Variants in ZNF521 observed in about 807,000 individuals in gnomAD.
The protein encoded by ZNF521 is LYST-interacting protein 3.
Under a neutral mutation model 105.5 loss-of-function variants are expected in ZNF521, and 14 were observed. The ratio of observed to expected loss-of-function variants is 0.13; its 90% confidence interval spans 0.09 to 0.21. ZNF521 has a LOEUF of 0.21. Ranked by LOEUF, ZNF521 falls within the 10% of genes least tolerant of loss-of-function variation. ZNF521 has a pLI of 1.00. For synonymous variants in ZNF521, 635 were observed against 606.0 expected (o/e 1.05, Z -0.70); for missense variants, 1,233 against 1,629.7 (o/e 0.76, Z 4.19).
chr18:25,089,337 C>G, intron 7 of ZNF521, 128 bp downstream of exon 7: 1 of 699,938 alleles, frequency 1.4e-6, no homozygotes, highest in Non-Finnish European at 2.4e-6. Context: ...TTCCCTTTGC[C>G]CCCAATACAC....
chr18:25,156,641 G>C (rs1280079089), intron 5 of ZNF521, among the ~76,000 whole-genome samples: 1 of 152,052 alleles, frequency 6.6e-6, no homozygotes, highest in Non-Finnish European at 1.5e-5. Flanking sequence ...GTTGTAATTT[G>C]CAAAGGCTAC....
At chr18:25,269,371 G>A (rs1416636521) in intron 3 of ZNF521, among the ~76,000 whole-genome samples, 5 of 152,136 alleles carry the variant, frequency 3.3e-5, no homozygotes, top group Admixed American at 3.3e-4. Context: ...GTCAATATTA[G>A]ACAGATCAAC....
chr18:25,296,410 T>C (rs559808290), intron 3 of ZNF521, among the ~76,000 whole-genome samples: 3 of 152,322 alleles, frequency 2.0e-5, no homozygotes, highest in East Asian at 1.9e-4. Context: ...GTAGTATATA[T>C]ACTATGTGCC....
chr18:25,285,155 T>C (rs2016420919), intron 3 of ZNF521, among the ~76,000 whole-genome samples: 1 of 152,196 alleles, frequency 6.6e-6, no homozygotes. Context: ...ATTCTCTTCT[T>C]CCTGGTGTGG....
intron 3 of ZNF521, among the ~76,000 whole-genome samples, chr18:25,254,518 G>A (rs1311852683): frequency 1.3e-5 from 2 of 152,058 alleles, no homozygotes; most frequent in Non-Finnish European, 2.9e-5. Flanking sequence ...TGCAGATGCT[G>A]GTTGATTTGT....
rs189941103 is a variant in ZNF521, at chr18:25,107,221, C to T, written c.3659-15140G>A. 2.4e-4 allele frequency among the ~76,000 whole-genome samples: 36 copies of T among 152,312 alleles called. No homozygotes were observed. The East Asian group carries it at 5.4e-3, about 23-fold the overall frequency. On this transcript the variant is annotated intron_variant, in intron 5 of 7. Coordinates refer to ENST00000361524, the MANE Select transcript of ZNF521 (RefSeq NM_015461.3). ...TAGAAGTGAGACTCAATCAAAATAACATATATAAAGTATCTAGCATAATAC... is the reference window on the plus strand; with the variant it reads ...TAGAAGTGAGACTCAATCAAAATAATATATATAAAGTATCTAGCATAATAC...
chr18:25,065,708 T>C (rs921388490), intron 7 of ZNF521, among the ~76,000 whole-genome samples: 13 of 152,140 alleles, frequency 8.5e-5, no homozygotes, highest in African/African-American at 2.4e-4. Context: ...CCACATGTGA[T>C]TGGATTCTAG....
chr18:25,300,694 C>G (rs1462681691), intron 3 of ZNF521, among the ~76,000 whole-genome samples: 1 of 152,016 alleles, frequency 6.6e-6, no homozygotes, highest in South Asian at 2.1e-4. Flanking sequence ...ATTACTTTTG[C>G]ACCAACCTAA....
chr18:25,087,417 G>C (rs148070376), intron 7 of ZNF521, among the ~76,000 whole-genome samples: 55 of 152,338 alleles, frequency 3.6e-4, no homozygotes, highest in African/African-American at 1.3e-3. Flanking sequence ...GAAAGACATT[G>C]ATGGTACCAC....
At chr18:25,284,500 G>A (rs1027773281) in intron 3 of ZNF521, among the ~76,000 whole-genome samples, 1 of 152,126 alleles carries the variant, frequency 6.6e-6, no homozygotes, top group Non-Finnish European at 1.5e-5. Flanking sequence ...TCAGAAAGCA[G>A]CCAAAAAATA....
At chr18:25,308,193 CAAAAAAA>C (rs756580169) in intron 3 of ZNF521, among the ~76,000 whole-genome samples, 4 of 31,100 alleles carry the variant, frequency 1.3e-4, no homozygotes, top group Non-Finnish European at 2.1e-4. Flanking sequence ...GACTGCATCT[CAAAAAAA>C]AAAAAAAAAA....
At chr18:25,220,682 G>A (rs1276939213) in intron 4 of ZNF521, among the ~76,000 whole-genome samples, 1 of 152,144 alleles carries the variant, frequency 6.6e-6, no homozygotes, top group Non-Finnish European at 1.5e-5. Context: ...GGTAATGCTG[G>A]CAAGAGCAAT....
chr18:25,336,152 A>T (rs1204611950), intron 2 of ZNF521, among the ~76,000 whole-genome samples: 1 of 152,224 alleles, frequency 6.6e-6, no homozygotes, highest in Non-Finnish European at 1.5e-5. Flanking sequence ...TCAGCAGACC[A>T]TTCCTGTATT....
chr18:25,208,577 C>G (rs777084856), intron 4 of ZNF521, among the ~76,000 whole-genome samples: 1 of 150,728 alleles, frequency 6.6e-6, no homozygotes, highest in Admixed American at 6.6e-5. Context: ...TCTTTTTTTC[C>G]TTTTTTCTGT....
In ZNF521 at chr18:25,150,802, T is replaced by C. The variant is rs376034445; in HGVS notation, c.3658+44358A>G. Reference sequence around the variant, plus strand: ...TTTAGTTCTGATCCACCTCTAAATCTCTTGGGCTAGTTATATTTCCCCCCA... The same window carrying C: ...TTTAGTTCTGATCCACCTCTAAATCCCTTGGGCTAGTTATATTTCCCCCCA... On this transcript the variant is annotated intron_variant, in intron 5 of 7. Coordinates refer to ENST00000361524, the MANE Select transcript of ZNF521 (RefSeq NM_015461.3). Among the ~76,000 whole-genome samples the C allele has an allele frequency of 2.1e-4, 32 of 152,212 alleles. No homozygotes were observed. In the South Asian group the frequency reaches 5.4e-3, roughly 26 times the overall value.
intron 3 of ZNF521, among the ~76,000 whole-genome samples, chr18:25,296,342 G>T (rs1437590515): frequency 1.3e-5 from 2 of 152,088 alleles, no homozygotes; most frequent in Non-Finnish European, 2.9e-5. Context: ...TATAGCACTT[G>T]AATCCTTCTA....
In ZNF521 at chr18:25,089,474, T is replaced by C; in HGVS notation, c.3897A>G (p.Thr1299=). ...CCCATGAGGACATTACCTGCAGCTC[T>C]GTTTGGAAGAAAAACTTCTGTGGAC... ...TQCPQKFFFQ[T]ELQNHTMTQH... The change falls in exon 7 of 8, where the codon ACA becomes ACG. Residue 1299 remains threonine (T), a synonymous_variant. Coordinates refer to ENST00000361524, the MANE Select transcript of ZNF521 (RefSeq NM_015461.3). 11 of 1,613,630 alleles carry C rather than the reference T, an allele frequency of 6.8e-6. No individual in the cohort carries two copies. The highest frequency in any genetic ancestry group is 2.2e-5 in the East Asian group (1 of 44,874).
intron 5 of ZNF521, among the ~76,000 whole-genome samples, chr18:25,150,126 C>G (rs910118816): frequency 2.0e-5 from 3 of 152,146 alleles, no homozygotes; most frequent in African/African-American, 7.2e-5. Context: ...GCATTCACAG[C>G]AACTTGGATG....
intron 2 of ZNF521, among the ~76,000 whole-genome samples, chr18:25,350,624 T>TTC (rs528464236): frequency 2.9e-4 from 44 of 151,698 alleles, no homozygotes; most frequent in Admixed American, 2.4e-3. Flanking sequence ...TTTCGTTTCT[T>TTC]TCTCTCTCTC....
Sources: gnomAD v4.1 joint callset for allele counts (sites outside exome capture counted in the v4.1 genomes callset) on GRCh38, gnomAD v4.1.1 for gene constraint, MANE v1.5 for transcripts, NCBI Gene and HGNC (gene_info 2026-07-23, HGNC 2026-07-21) for gene names.